Variants in MGAT4A observed in about 807,000 individuals in gnomAD.
MGAT4A encodes alpha-1,3-mannosyl-glycoprotein 4-beta-N-acetylglucosaminyltransferase A, also known as N-acetylglucosaminyltransferase IVa.
In MGAT4A, 33 loss-of-function variants were observed where a neutral mutation model predicts 74.1. The ratio of observed to expected loss-of-function variants is 0.45; its 90% CI spans 0.34 to 0.60. The LOEUF is 0.60. Among genes scored for constraint, MGAT4A ranks in the 20% least tolerant of loss-of-function variants. MGAT4A has a pLI of 0.02. For missense variants in MGAT4A, 479 were observed against 628.3 expected (o/e 0.76, Z 2.54); for synonymous variants, 198 against 210.4 (o/e 0.94, Z 0.51).
chr2:98,703,418 T>C lies in MGAT4A; in HGVS notation c.94+22821A>G, dbSNP rs114778090. 7.4e-3 allele frequency among the ~76,000 whole-genome samples: 1,118 copies of C among 151,812 alleles called. 12 individuals carry two copies. Among genetic ancestry groups the C allele is most frequent in the African/African-American group, 0.024 (992 of 41,344 alleles). ...CAGACTGAACAGAGAGGCCCCAGAG[T>C]ATAGGATACCCCCAAGCGTTCACAG... is the stretch of plus-strand genomic sequence containing the variant. On this transcript the variant is annotated intron_variant, in intron 2 of 15. Coordinates refer to ENST00000393487, the MANE Select transcript of MGAT4A (RefSeq NM_012214.3).
intron 14 of MGAT4A, among the ~76,000 whole-genome samples, chr2:98,633,295 G>C (rs1479999527): frequency 6.6e-6 from 1 of 152,170 alleles, no homozygotes; most frequent in Non-Finnish European, 1.5e-5. Flanking sequence ...AAGCTGGCAG[G>C]AGAGTCCAGT....
chr2:98,720,112 G>C (rs1021472164), intron 2 of MGAT4A, among the ~76,000 whole-genome samples: 1 of 152,166 alleles, frequency 6.6e-6, no homozygotes, highest in Non-Finnish European at 1.5e-5. Context: ...GGAAATTCTG[G>C]AGTTGAAAAG....
At chr2:98,722,172 C>T (rs1018916280) in intron 2 of MGAT4A, among the ~76,000 whole-genome samples, 1 of 152,148 alleles carries the variant, frequency 6.6e-6, no homozygotes, top group African/African-American at 2.4e-5. Flanking sequence ...AAAATAAAAA[C>T]ACATGTCCAC....
intron 2 of MGAT4A, among the ~76,000 whole-genome samples, chr2:98,708,579 T>C (rs1702473340): frequency 6.6e-6 from 1 of 152,210 alleles, no homozygotes; most frequent in African/African-American, 2.4e-5. Flanking sequence ...CTCACTCCAG[T>C]TAACACGTGC....
chr2:98,629,952 G>A (rs1186618372), intron 14 of MGAT4A, among the ~76,000 whole-genome samples: 1 of 152,168 alleles, frequency 6.6e-6, no homozygotes, highest in Non-Finnish European at 1.5e-5. Flanking sequence ...GGCTGAGGCA[G>A]AGAGAAATGC....
chr2:98,680,731 A>G (rs911308643), intron 2 of MGAT4A, among the ~76,000 whole-genome samples: 2 of 152,208 alleles, frequency 1.3e-5, no homozygotes, highest in Non-Finnish European at 2.9e-5. Context: ...CATTTTCTGC[A>G]TGTGTAAATT....
intron 2 of MGAT4A, among the ~76,000 whole-genome samples, chr2:98,699,730 C>G (rs1406742714): frequency 3.3e-5 from 5 of 151,970 alleles, no homozygotes; most frequent in African/African-American, 1.2e-4. Flanking sequence ...TGATATTAAG[C>G]AAAAAATGTA....
At chr2:98,726,148 T>G in intron 2 of MGAT4A, 91 bp downstream of exon 2, 1 of 790,568 alleles carries the variant, frequency 1.3e-6, no homozygotes, top group East Asian at 2.7e-5. Context: ...ACATGCAGAT[T>G]GCCAGGGTAT....
intron 4 of MGAT4A, among the ~76,000 whole-genome samples, chr2:98,671,980 C>T (rs1701917232): frequency 6.7e-6 from 1 of 148,834 alleles, no homozygotes; most frequent in Non-Finnish European, 1.5e-5. Context: ...AGGATCCTCC[C>T]CTAGAGATTC....
At chr2:98,649,571 T>C (rs1035957691) in intron 8 of MGAT4A, among the ~76,000 whole-genome samples, 2 of 152,060 alleles carry the variant, frequency 1.3e-5, no homozygotes, top group African/African-American at 2.4e-5. Flanking sequence ...ACAAAGGCCA[T>C]CAGTTGGCAC....
At chr2:98,712,235 G>C (rs1702528194) in intron 2 of MGAT4A, among the ~76,000 whole-genome samples, 1 of 152,138 alleles carries the variant, frequency 6.6e-6, no homozygotes, top group Admixed American at 6.5e-5. Context: ...CTTCTTTTCA[G>C]ACCAACTCCA....
intron 14 of MGAT4A, among the ~76,000 whole-genome samples, chr2:98,632,648 G>A (rs551889739): frequency 6.6e-6 from 1 of 152,330 alleles, no homozygotes; most frequent in Admixed American, 6.5e-5. Context: ...CTCTCCATTG[G>A]GCACAATCTC....
chr2:98,730,533 C>T (rs779787621), intron 1 of MGAT4A, among the ~76,000 whole-genome samples: 8 of 152,192 alleles, frequency 5.3e-5, no homozygotes, highest in Admixed American at 4.6e-4. Context: ...CGCCTCGGAC[C>T]GTCCGGCCCC....
In MGAT4A at chr2:98,699,163, C is replaced by T. The variant is rs116370319; in HGVS notation, c.95-20692G>A. ...CCCACAGTAGCGAGTGCTGACAACA[C>T]GTGCAATGTGTTGTGTTGTCTACCA... On this transcript the variant is annotated intron_variant, in intron 2 of 15. Coordinates refer to ENST00000393487, the MANE Select transcript of MGAT4A (RefSeq NM_012214.3). Among the ~76,000 whole-genome samples the T allele has an allele frequency of 7.4e-3, 1,126 of 152,266 alleles. 13 individuals carry two copies. Among genetic ancestry groups the T allele is most frequent in the African/African-American group, 0.026 (1,080 of 41,558 alleles).
chr2:98,631,482 T>C (rs1004834614), intron 14 of MGAT4A, among the ~76,000 whole-genome samples: 2 of 152,162 alleles, frequency 1.3e-5, no homozygotes, highest in African/African-American at 4.8e-5. Context: ...CACGTCCCCA[T>C]ACTGTGCCTA....
At chr2:98,714,448 T>A (rs937640874) in intron 2 of MGAT4A, among the ~76,000 whole-genome samples, 1 of 152,172 alleles carries the variant, frequency 6.6e-6, no homozygotes, top group African/African-American at 2.4e-5. Flanking sequence ...GAGACTAGCA[T>A]GGACACCACA....
At chr2:98,657,004 A>AC (rs1409665488) in intron 6 of MGAT4A, among the ~76,000 whole-genome samples, 1 of 152,214 alleles carries the variant, frequency 6.6e-6, no homozygotes, top group Non-Finnish European at 1.5e-5. Context: ...TCTGGTTGCC[A>AC]CAACTGTGAT....
intron 14 of MGAT4A, 44 bp from the exon 15 acceptor site, chr2:98,625,879 CA>C: frequency 7.1e-7 from 1 of 1,406,262 alleles, no homozygotes; most frequent in Non-Finnish European, 1.0e-6. Context: ...CCGAGATAAG[CA>C]AACATAAAAT....
At chr2:98,682,045 T>TA (rs1702067220) in intron 2 of MGAT4A, among the ~76,000 whole-genome samples, 3 of 151,828 alleles carry the variant, frequency 2.0e-5, no homozygotes, top group Admixed American at 2.0e-4. Context: ...AATAAATAAA[T>TA]AAAAAATGAA....
Sources: allele counts gnomAD v4.1 joint callset (sites outside exome capture counted in the v4.1 genomes callset), GRCh38; gene constraint gnomAD v4.1.1; transcripts MANE v1.5; gene names NCBI Gene and HGNC (gene_info 2026-07-23, HGNC 2026-07-21).